ANK1: variants seen among roughly 807,000 people sequenced by gnomAD.
The protein encoded by ANK1 is ankyrin 1, also known as ankyrin-1.
A neutral mutation model predicts 210.4 loss-of-function variants in ANK1; 51 were observed. The observed-to-expected ratio is 0.24, with a 90% CI of 0.19 to 0.31. The LOEUF (loss-of-function observed/expected upper bound fraction) is 0.31. ANK1 is among the 10% of genes least tolerant of loss of function. The probability of loss-of-function intolerance (pLI) is 1.00; values close to 1 mark genes in which losing one functional copy is unlikely to be tolerated. For missense variants in ANK1, 2,051 were observed against 2,504.4 expected (o/e 0.82, Z 3.86); for synonymous variants, 967 against 1,025.9 (o/e 0.94, Z 1.10).
intron 33 of ANK1, among the ~76,000 whole-genome samples, chr8:41,689,195 TC>T (rs149903587): frequency 0.045 from 6,906 of 152,126 alleles, 470 homozygotes; most frequent in African/African-American, 0.15. Flanking sequence ...CGATCATGGC[TC>T]CACTGCAGCC....
At chr8:41,836,635 G>C (rs1442984487) in intron 1 of ANK1, among the ~76,000 whole-genome samples, 1 of 152,266 alleles carries the variant, frequency 6.6e-6, no homozygotes, top group Non-Finnish European at 1.5e-5. Flanking sequence ...CTCAAAAGGA[G>C]GGTAAGAGGT....
chr8:41,817,323 CTT>C lies in ANK1; in HGVS notation c.127-59188_127-59187del, dbSNP rs562128981. ...CCTTCTTTTTCTTAAATGCAAGACA[CTT>C]TTGTTTCCAGTGTTCTGATTTGCTG... On this transcript the variant is annotated intron_variant, in intron 1 of 42. Coordinates refer to the ANK1 transcript ENST00000265709. 2.9e-3 allele frequency among the ~76,000 whole-genome samples: 445 copies of C among 152,292 alleles called. 3 individuals carry two copies. Among genetic ancestry groups the C allele is most frequent in the African/African-American group, 0.01 (423 of 41,560 alleles).
intron 39 of ANK1, 112 bp downstream of exon 39, chr8:41,668,152 AAGG>A (rs1296664619): frequency 6.3e-6 from 9 of 1,436,138 alleles, no homozygotes; most frequent in Non-Finnish European, 8.8e-6. Flanking sequence ...ACAAGTGTTA[AAGG>A]AAGGGGATAT....
At chr8:41,699,430 C>A in intron 23 of ANK1, 22 bp downstream of exon 23, 3 of 1,610,002 alleles carry the variant, frequency 1.9e-6, no homozygotes, top group Non-Finnish European at 2.5e-6. Flanking sequence ...CCCCCGGGGA[C>A]CCTCCCGGGA....
At chr8:41,842,431 T>G (rs555352016) in intron 1 of ANK1, among the ~76,000 whole-genome samples, 2 of 151,900 alleles carry the variant, frequency 1.3e-5, no homozygotes, top group South Asian at 4.2e-4. Flanking sequence ...AGGCGGAGGT[T>G]GCAGTGAGCC....
At chr8:41,701,214 A>C (rs1822686304) in intron 22 of ANK1, among the ~76,000 whole-genome samples, 2 of 152,264 alleles carry the variant, frequency 1.3e-5, no homozygotes, top group Non-Finnish European at 2.9e-5. Flanking sequence ...AACCAGGCAG[A>C]ATTTTATTAC....
intron 1 of ANK1, among the ~76,000 whole-genome samples, chr8:41,888,787 T>C (rs1818897698): frequency 6.6e-6 from 1 of 152,192 alleles, no homozygotes; most frequent in Non-Finnish European, 1.5e-5. Context: ...CGTTTTCACC[T>C]GCTCTTTCAT....
At chr8:41,777,618 A>T (rs1315956699) in intron 1 of ANK1, among the ~76,000 whole-genome samples, 2 of 151,960 alleles carry the variant, frequency 1.3e-5, no homozygotes, top group Non-Finnish European at 2.9e-5. Flanking sequence ...ATAAAAACAA[A>T]CAAACAAACA....
Position 41,728,100 on chromosome 8 carries a change from C to G in ANK1, c.229-94G>C, listed in dbSNP as rs1397369223. On this transcript the variant is annotated intron_variant, in intron 3 of 42. Coordinates refer to ENST00000289734, the MANE Select transcript of ANK1 (RefSeq NM_000037.4). ...TGTGGACAGGTGCTGCTTGAGGGACCCGGGGGCTTTCTTCATGGCCAAAAG... is the reference window on the plus strand; with the variant it reads ...TGTGGACAGGTGCTGCTTGAGGGACGCGGGGGCTTTCTTCATGGCCAAAAG... 5 of 1,275,838 alleles carry G rather than the reference C, an allele frequency of 3.9e-6. No homozygotes were observed. In the African/African-American group the frequency reaches 7.3e-5, roughly 19 times the overall value. 79.0% of individuals were successfully genotyped at this position (1,275,838 alleles called of 1,614,324 possible). A position where few individuals can be genotyped will look rare whatever the true frequency, so the allele number is the denominator to read the frequency against.
At chr8:41,756,412 G>A (rs1448105251) in intron 2 of ANK1, among the ~76,000 whole-genome samples, 2 of 150,916 alleles carry the variant, frequency 1.3e-5, no homozygotes, top group African/African-American at 4.9e-5. Flanking sequence ...CTAAAGTGCT[G>A]GGATTACAGG....
chr8:41,748,850 A>C (rs1047827593), intron 2 of ANK1, among the ~76,000 whole-genome samples: 1 of 152,198 alleles, frequency 6.6e-6, no homozygotes, highest in African/African-American at 2.4e-5. Flanking sequence ...CCCAGCTAAC[A>C]CAGTGAAATC....
intron 33 of ANK1, among the ~76,000 whole-genome samples, chr8:41,688,880 G>A (rs1818441051): frequency 6.6e-6 from 1 of 152,202 alleles, no homozygotes; most frequent in Non-Finnish European, 1.5e-5. Context: ...TAAGAGGTGG[G>A]TGCTGTATTA....
At chr8:41,684,291 C>A (rs1236123795) in intron 37 of ANK1, among the ~76,000 whole-genome samples, 1 of 152,236 alleles carries the variant, frequency 6.6e-6, no homozygotes, top group Non-Finnish European at 1.5e-5. Context: ...ATGGCAAGGG[C>A]CTGGGGGCCA....
intron 22 of ANK1, 93 bp downstream of exon 22, chr8:41,701,457 G>A (rs767319979): frequency 2.1e-5 from 25 of 1,165,928 alleles, no homozygotes; most frequent in East Asian, 1.4e-4. Context: ...CGTGTTGTAA[G>A]GGGACAAAGC....
At chr8:41,740,012 C>T (rs1446932058) in intron 2 of ANK1, among the ~76,000 whole-genome samples, 1 of 152,004 alleles carries the variant, frequency 6.6e-6, no homozygotes, top group South Asian at 2.1e-4. Context: ...ATCTGGCCCT[C>T]TAAGGTGGGA....
chr8:41,858,164 G>A (rs1039802920), intron 1 of ANK1, among the ~76,000 whole-genome samples: 3 of 151,948 alleles, frequency 2.0e-5, no homozygotes, highest in African/African-American at 2.4e-5. Flanking sequence ...CCCGGGAATT[G>A]GAGGCTGCAG....
chr8:41,758,096 A>G lies in ANK1; in HGVS notation c.69T>C (p.Gly23=), dbSNP rs1338320570. 1 of 1,614,098 alleles carries G rather than the reference A, an allele frequency of 6.2e-7. No individual in the cohort carries two copies. The highest frequency in any genetic ancestry group is 1.1e-5 in the South Asian group (1 of 91,074). The part of the protein sequence containing the change: ...ATSFLRAARS[G]NLDKALDHLR... Reference sequence around the variant, plus strand: ...GGTGATCCAAAGCTTTGTCCAAGTTACCTGATCTTGCTGCTCTCAGAAAGC... The same window carrying G: ...GGTGATCCAAAGCTTTGTCCAAGTTGCCTGATCTTGCTGCTCTCAGAAAGC... Residue 23 remains glycine (G), a synonymous_variant, in exon 2 of 43, where the codon GGT becomes GGC. Coordinates refer to ENST00000289734, the MANE Select transcript of ANK1 (RefSeq NM_000037.4).
intron 7 of ANK1, 36 bp downstream of exon 7, chr8:41,724,420 C>T (rs761895389): frequency 1.9e-4 from 296 of 1,521,184 alleles, no homozygotes; most frequent in Non-Finnish European, 2.4e-4. Context: ...AGCCCCAAGC[C>T]CCCGGACAGT....
intron 1 of ANK1, among the ~76,000 whole-genome samples, chr8:41,831,138 C>T (rs1806528077): frequency 6.6e-6 from 1 of 152,150 alleles, no homozygotes; most frequent in African/African-American, 2.4e-5. Context: ...TGACGACGAC[C>T]TTCCTTAAAA....
Sources: gnomAD v4.1 joint callset for allele counts (sites outside exome capture counted in the v4.1 genomes callset) on GRCh38, gnomAD v4.1.1 for gene constraint, MANE v1.5 for transcripts, NCBI Gene and HGNC (gene_info 2026-07-23, HGNC 2026-07-21) for gene names.